Variants in NR6A1 observed in about 807,000 individuals in gnomAD.
NR6A1 encodes the protein retinoic acid receptor-related testis-associated receptor.
In NR6A1, 7 loss-of-function variants were observed where a neutral mutation model predicts 59.1. The observed-to-expected ratio is 0.12, with a 90% CI of 0.07 to 0.22. NR6A1 has a LOEUF of 0.22. NR6A1 is among the 10% of genes least tolerant of loss of function. The pLI, the probability that NR6A1 is intolerant of heterozygous loss-of-function variation, is 1.00. For missense variants in NR6A1, 468 were observed against 611.6 expected (o/e 0.77, Z 2.48); for synonymous variants, 243 against 236.1 (o/e 1.03, Z -0.27).
intron 1 of NR6A1, among the ~76,000 whole-genome samples, chr9:124,769,439 C>A (rs556770958): frequency 8.4e-4 from 128 of 152,308 alleles, no homozygotes; most frequent in Non-Finnish European, 1.3e-3. Context: ...CCCAAGATTT[C>A]CACCGTCTGT....
chr9:124,731,945 C>T (rs1048960524), intron 2 of NR6A1, among the ~76,000 whole-genome samples: 2 of 152,160 alleles, frequency 1.3e-5, no homozygotes, highest in African/African-American at 4.8e-5. Context: ...GTTTAAGGGT[C>T]AACCGTACTA....
chr9:124,542,315 A>T (rs1214482381), intron 4 of NR6A1, among the ~76,000 whole-genome samples: 1 of 152,260 alleles, frequency 6.6e-6, no homozygotes, highest in Non-Finnish European at 1.5e-5. Context: ...AGAGTTGGGA[A>T]TCACACAGCC....
chr9:124,599,591 C>T, intron 2 of NR6A1: 3 of 1,155,462 alleles, frequency 2.6e-6, no homozygotes, highest in South Asian at 1.5e-5. Flanking sequence ...GAGGGCGCGG[C>T]GGCGGCGGCC....
chr9:124,671,524 GAAA>G (rs1312745492), intron 2 of NR6A1, among the ~76,000 whole-genome samples: 1 of 152,094 alleles, frequency 6.6e-6, no homozygotes, highest in Non-Finnish European at 1.5e-5. Context: ...AATATTAACT[GAAA>G]AATAACTCAA....
intron 2 of NR6A1, among the ~76,000 whole-genome samples, chr9:124,579,784 G>A (rs530439960): frequency 2.6e-4 from 40 of 152,304 alleles, no homozygotes; most frequent in Non-Finnish European, 4.4e-4. Flanking sequence ...GCTGAGGCGG[G>A]TGGATCACTT....
At chr9:124,544,618 T>C (rs999716021) in intron 3 of NR6A1, among the ~76,000 whole-genome samples, 1 of 152,148 alleles carries the variant, frequency 6.6e-6, no homozygotes, top group African/African-American at 2.4e-5. Flanking sequence ...GTGCTCCAGG[T>C]TGAGCGAACA....
At chr9:124,578,190 T>C (rs1564187364) in intron 2 of NR6A1, among the ~76,000 whole-genome samples, 1 of 152,204 alleles carries the variant, frequency 6.6e-6, no homozygotes, top group African/African-American at 2.4e-5. Context: ...TGGACCTCTT[T>C]TCTACCAATA....
chr9:124,525,127 T>C (rs1302125167), intron 8 of NR6A1, among the ~76,000 whole-genome samples: 1 of 152,102 alleles, frequency 6.6e-6, no homozygotes, highest in Non-Finnish European at 1.5e-5. Flanking sequence ...CTCAACTTCA[T>C]ACCAAACTCC....
chr9:124,702,717 TC>T, intron 2 of NR6A1, among the ~76,000 whole-genome samples: 1 of 151,930 alleles, frequency 6.6e-6, no homozygotes, highest in African/African-American at 2.4e-5. Context: ...ATGTGCCTTT[TC>T]CCCCCTCATC....
chr9:124,559,293 T>C (rs1446800019), intron 2 of NR6A1, among the ~76,000 whole-genome samples: 1 of 152,222 alleles, frequency 6.6e-6, no homozygotes, highest in African/African-American at 2.4e-5. Context: ...ACATCTCTAG[T>C]GACTCAATAA....
chr9:124,622,448 A>G (rs1836105236), intron 2 of NR6A1, among the ~76,000 whole-genome samples: 1 of 152,206 alleles, frequency 6.6e-6, no homozygotes, highest in African/African-American at 2.4e-5. Context: ...TCACTGCTAA[A>G]AAGATTATGG....
At chr9:124,631,890 C>G (rs1032036635) in intron 2 of NR6A1, among the ~76,000 whole-genome samples, 1 of 152,168 alleles carries the variant, frequency 6.6e-6, no homozygotes. Context: ...CATCATTTAG[C>G]TCCTACTTAT....
chr9:124,517,449 C>T lies in NR6A1; in HGVS notation c.*5256G>A, dbSNP rs1265286852. On this transcript the variant is annotated 3_prime_UTR_variant, in exon 10 of 10. Coordinates refer to ENST00000487099, the MANE Select transcript of NR6A1 (RefSeq NM_033334.4). ...CAGAGGGCCTGGGTAGCCTGCAGAG[C>T]CCGCCAGCTATCATTTGGTCATGGA... is the stretch of plus-strand genomic sequence containing the variant. 1.3e-5 allele frequency: 2 copies of T among 152,246 alleles called. No individual in the cohort carries two copies. Among genetic ancestry groups the T allele is most frequent in the East Asian group, 1.9e-4 (1 of 5,192 alleles). The allele number at this position is 152,246 out of a possible 1,614,324, so 9.4% of individuals were successfully genotyped here.
intron 2 of NR6A1, among the ~76,000 whole-genome samples, chr9:124,701,201 G>A (rs186677437): frequency 9.2e-5 from 14 of 152,120 alleles, no homozygotes; most frequent in South Asian, 8.3e-4. Flanking sequence ...ATTGTAACAC[G>A]CAAGATTTCT....
intron 2 of NR6A1, among the ~76,000 whole-genome samples, chr9:124,667,342 CCTA>C (rs1429164142): frequency 1.3e-5 from 2 of 151,948 alleles, no homozygotes. Context: ...GCTTATCCAC[CCTA>C]CTTTCATATT....
intron 7 of NR6A1, among the ~76,000 whole-genome samples, chr9:124,535,460 C>T (rs1833230895): frequency 6.6e-6 from 1 of 152,086 alleles, no homozygotes; most frequent in Admixed American, 6.5e-5. Context: ...CACCTGTAAT[C>T]CCAACTACTT....
intron 2 of NR6A1, among the ~76,000 whole-genome samples, chr9:124,682,142 C>T (rs1838184615): frequency 6.6e-6 from 1 of 151,890 alleles, no homozygotes; most frequent in South Asian, 2.1e-4. Flanking sequence ...CTACAGGCGC[C>T]CACCACCATG....
At chr9:124,692,322 C>CAT (rs1838577747) in intron 2 of NR6A1, 1 of 307,674 alleles carries the variant, frequency 3.3e-6, no homozygotes, top group African/African-American at 2.2e-5. Flanking sequence ...TTCTCTGCTG[C>CAT]ACACAAATTG....
rs538806855 is a variant in NR6A1 at position 124,540,170 on chromosome 9, G to A, written c.459C>T (p.Ile153=). ...IGPVQISEEE[I]ERIMSGQEFE... is the part of the protein sequence containing the mutation. ...ACTCCTGCCCAGACATGATCCTTTCGATTTCTTCTTCCGATATCTTTGACA... is the reference window on the plus strand; with the variant it reads ...ACTCCTGCCCAGACATGATCCTTTCAATTTCTTCTTCCGATATCTTTGACA... The change falls in exon 5 of 10, where the codon ATC becomes ATT. Residue 153 remains isoleucine, a synonymous_variant. Coordinates refer to ENST00000487099, the MANE Select transcript of NR6A1 (RefSeq NM_033334.4). The A allele has an allele frequency of 2.5e-6, 4 of 1,613,310 alleles. No homozygotes were observed. Among genetic ancestry groups the A allele is most frequent in the East Asian group, 4.5e-5 (2 of 44,832 alleles).
Sources: gnomAD v4.1 joint callset for allele counts (sites outside exome capture counted in the v4.1 genomes callset) on GRCh38, gnomAD v4.1.1 for gene constraint, MANE v1.5 for transcripts, NCBI Gene and HGNC (gene_info 2026-07-23, HGNC 2026-07-21) for gene names.